The following LPAR1 variants were observed in gnomAD, a reference collection of about 807,000 sequenced individuals.
LPAR1 encodes LPA receptor 1.
Under a neutral mutation model 23.8 loss-of-function variants are expected in LPAR1, and 5 were observed. The observed-to-expected ratio is 0.21, with a 90% CI of 0.11 to 0.44. The LOEUF (loss-of-function observed/expected upper bound fraction) is 0.44. LPAR1 is among the 20% of genes least tolerant of loss of function. LPAR1 has a pLI of 0.99. For missense variants in LPAR1, 311 were observed against 482.8 expected, an observed-to-expected ratio of 0.64 and a Z score of 3.33; for synonymous variants, 160 against 164.7, an observed-to-expected ratio of 0.97 and a Z score of 0.22.
intron 5 of LPAR1, among the ~76,000 whole-genome samples, chr9:110,935,169 C>T (rs2094614980): frequency 6.6e-6 from 1 of 151,868 alleles, no homozygotes; most frequent in South Asian, 2.1e-4. Context: ...GCTGAAGTTC[C>T]CAAAAAAAGA....
intron 5 of LPAR1, among the ~76,000 whole-genome samples, chr9:110,899,210 AAT>A (rs754792941): frequency 6.6e-6 from 1 of 152,208 alleles, no homozygotes; most frequent in Non-Finnish European, 1.5e-5. Context: ...AGGAAGCTTC[AAT>A]TTACTATGAA....
At chr9:111,034,988 G>C (rs2097864885) in intron 2 of LPAR1, among the ~76,000 whole-genome samples, 1 of 152,004 alleles carries the variant, frequency 6.6e-6, no homozygotes, top group African/African-American at 2.4e-5. Flanking sequence ...TCCATTCCCT[G>C]GCATGCCAAA....
intron 2 of LPAR1, among the ~76,000 whole-genome samples, chr9:110,986,690 A>G (rs1041803234): frequency 1.9e-4 from 29 of 151,886 alleles, no homozygotes; most frequent in African/African-American, 6.8e-4. Context: ...GGGTGGAAAC[A>G]AAGTGTCGAA....
chr9:110,874,433 A>T lies in LPAR1; in HGVS notation c.*988T>A, dbSNP rs538061341. 1 of 152,646 alleles carries T rather than the reference A, an allele frequency of 6.6e-6. No individual in the cohort carries two copies. The highest frequency in any genetic ancestry group is 2.4e-5 in the African/African-American group (1 of 41,466). The allele number at this position is 152,646 out of a possible 1,614,324, so 9.5% of individuals were successfully genotyped here. A position where few individuals can be genotyped will look rare whatever the true frequency, so the allele number is the denominator to read the frequency against. The stretch of plus-strand genomic sequence containing the variant: ...GTATACAATACACATATAGGCATAC[A>T]TGGGGGTTGCTTTTTAAAGGTGGTT... On this transcript the variant is annotated 3_prime_UTR_variant, in exon 6 of 6. Transcript: ENST00000683809.
intron 5 of LPAR1, among the ~76,000 whole-genome samples, chr9:110,912,674 A>C (rs1397875517): frequency 6.6e-6 from 1 of 152,190 alleles, no homozygotes; most frequent in Non-Finnish European, 1.5e-5. Context: ...AAACTATTGA[A>C]ATATAGCCAT....
chr9:110,915,082 T>C (rs536295494), intron 5 of LPAR1, among the ~76,000 whole-genome samples: 1 of 152,322 alleles, frequency 6.6e-6, no homozygotes, highest in East Asian at 1.9e-4. Context: ...TCCTTAAGGA[T>C]AATTTTGATG....
intron 5 of LPAR1, chr9:110,934,262 G>C (rs997280774): frequency 2.0e-5 from 3 of 152,216 alleles, no homozygotes; most frequent in African/African-American, 7.2e-5. Flanking sequence ...GGACCAATTG[G>C]GAAGTCTTCC....
chr9:111,030,792 G>A (rs538241989), intron 2 of LPAR1, among the ~76,000 whole-genome samples: 46 of 152,256 alleles, frequency 3.0e-4, no homozygotes, highest in African/African-American at 1.0e-3. Flanking sequence ...TGCACATGCT[G>A]CACCAGTTCA....
intron 5 of LPAR1, among the ~76,000 whole-genome samples, chr9:110,904,221 A>C (rs73537544): frequency 0.017 from 2,568 of 152,296 alleles, 68 homozygotes; most frequent in African/African-American, 0.059. Flanking sequence ...GAAATAAAAC[A>C]ACAAAACAAG....
intron 5 of LPAR1, among the ~76,000 whole-genome samples, chr9:110,892,535 G>A (rs542727478): frequency 1.3e-5 from 2 of 152,088 alleles, no homozygotes; most frequent in East Asian, 1.9e-4. Context: ...GAGGTGGCGT[G>A]TGCCTGTAAT....
At chr9:110,915,973 C>T (rs987673072) in intron 5 of LPAR1, among the ~76,000 whole-genome samples, 1 of 151,282 alleles carries the variant, frequency 6.6e-6, no homozygotes, top group Non-Finnish European at 1.5e-5. Flanking sequence ...TGACTAAAAT[C>T]AAACAAACAG....
At chr9:110,924,158 T>G (rs1190244189) in intron 5 of LPAR1, among the ~76,000 whole-genome samples, 2 of 151,814 alleles carry the variant, frequency 1.3e-5, no homozygotes, top group African/African-American at 4.8e-5. Flanking sequence ...CTGAAGAACA[T>G]TTAACAATAA....
intron 5 of LPAR1, among the ~76,000 whole-genome samples, chr9:110,937,025 T>C (rs2094755825): frequency 6.6e-6 from 1 of 152,170 alleles, no homozygotes; most frequent in African/African-American, 2.4e-5. Flanking sequence ...TACATGACTT[T>C]ATGCTAGGGC....
chr9:111,011,929 A>G (rs1588854296), intron 2 of LPAR1, among the ~76,000 whole-genome samples: 1 of 152,330 alleles, frequency 6.6e-6, no homozygotes, highest in Middle Eastern at 3.4e-3. Flanking sequence ...CTCAAAGAAC[A>G]TGTGGCCCAC....
At chr9:110,973,711 G>C (rs1365349422) in intron 2 of LPAR1, among the ~76,000 whole-genome samples, 153 bp from the exon 3 acceptor site, 2 of 152,116 alleles carry the variant, frequency 1.3e-5, no homozygotes, top group Non-Finnish European at 2.9e-5. Flanking sequence ...CACAGCCCTA[G>C]TTCTGTCCAA....
intron 2 of LPAR1, among the ~76,000 whole-genome samples, chr9:110,990,834 G>A (rs1021169949): frequency 2.6e-5 from 4 of 151,984 alleles, no homozygotes; most frequent in South Asian, 2.1e-4. Context: ...CAGATTAGTC[G>A]AGAAAAAAGG....
At chr9:111,012,409 G>T (rs1452340175) in intron 2 of LPAR1, among the ~76,000 whole-genome samples, 1 of 151,964 alleles carries the variant, frequency 6.6e-6, no homozygotes, top group Admixed American at 6.6e-5. Flanking sequence ...CTTATCCTAT[G>T]CTTGCCGAAT....
At chr9:110,962,568 T>G (rs1456805201) in intron 4 of LPAR1, among the ~76,000 whole-genome samples, 1 of 152,220 alleles carries the variant, frequency 6.6e-6, no homozygotes, top group African/African-American at 2.4e-5. Flanking sequence ...AAGATTGGAA[T>G]TCCTGCTACT....
At chr9:110,954,369 A>T (rs2095666679) in intron 4 of LPAR1, among the ~76,000 whole-genome samples, 1 of 152,224 alleles carries the variant, frequency 6.6e-6, no homozygotes, top group African/African-American at 2.4e-5. Flanking sequence ...TCCAGAAGGC[A>T]AAGAGAAAAA....
Sources: gnomAD v4.1 joint callset for allele counts (sites outside exome capture counted in the v4.1 genomes callset) on GRCh38, gnomAD v4.1.1 for gene constraint, MANE v1.5 for transcripts, NCBI Gene and HGNC (gene_info 2026-07-23, HGNC 2026-07-21) for gene names.